The following LRP1B variants were observed in gnomAD, a reference collection of about 807,000 sequenced individuals.
LRP1B encodes LDL receptor related protein 1B, also known as low-density lipoprotein receptor-related protein 1B.
In LRP1B, 217 loss-of-function variants were observed where a neutral mutation model predicts 556.6. That is an observed-to-expected ratio of 0.39 (90% CI 0.35 to 0.44). LRP1B has a LOEUF of 0.44. Ranked by LOEUF, LRP1B falls within the 20% of genes least tolerant of loss-of-function variation. The pLI, the probability that LRP1B is intolerant of heterozygous loss-of-function variation, is 1.00. For missense variants in LRP1B, 5,053 were observed against 5,620.8 expected (o/e 0.90, Z 3.23); for synonymous variants, 2,047 against 1,865.8 (o/e 1.10, Z -2.50).
rs1219673694 is a variant in LRP1B at position 141,411,665 on chromosome 2, C to A, written c.343+68731G>T. 2.6e-5 allele frequency among the ~76,000 whole-genome samples: 4 copies of A among 152,054 alleles called. 1 individual carries two copies. The highest frequency in any genetic ancestry group is 6.3e-3 in the Middle Eastern group (2 of 316). The stretch of plus-strand genomic sequence containing the variant: ...GTGTGTGTCTGTGTATTCTGTCCTG[C>A]TAATGCAGTTGAAACAACAAATTCA... On this transcript the variant is annotated intron_variant, in intron 3 of 90. Transcript: ENST00000389484.
intron 35 of LRP1B, among the ~76,000 whole-genome samples, chr2:140,758,626 C>G (rs9967729): frequency 0.33 from 49,786 of 151,742 alleles, 8,296 homozygotes; most frequent in South Asian, 0.39. Flanking sequence ...ATTCTTTTTA[C>G]TTAACAGGGT....
At chr2:141,071,546 G>A (rs1007368327) in intron 7 of LRP1B, among the ~76,000 whole-genome samples, 24 of 152,154 alleles carry the variant, frequency 1.6e-4, no homozygotes, top group Admixed American at 3.9e-4. Context: ...TTCAATTAGG[G>A]AAAGAGGAAG....
At chr2:140,544,602 CTAAAGA>C (rs1680256971) in intron 43 of LRP1B, among the ~76,000 whole-genome samples, 1 of 152,078 alleles carries the variant, frequency 6.6e-6, no homozygotes, top group Admixed American at 6.6e-5. Flanking sequence ...CATTAGTTTG[CTAAAGA>C]TAATGTCCTC....
chr2:141,639,512 T>A (rs1214455701), intron 2 of LRP1B, among the ~76,000 whole-genome samples: 1 of 149,688 alleles, frequency 6.7e-6, no homozygotes, highest in African/African-American at 2.5e-5. Context: ...TGTATAGCCA[T>A]ATTTAAAGCA....
At chr2:140,853,341 A>G (rs1160510310) in intron 27 of LRP1B, among the ~76,000 whole-genome samples, 2 of 152,136 alleles carry the variant, frequency 1.3e-5, no homozygotes, top group African/African-American at 4.8e-5. Context: ...GCATAAAACT[A>G]CCGAGATTTT....
At chr2:140,509,199 G>A (rs1689550676) in intron 52 of LRP1B, among the ~76,000 whole-genome samples, 1 of 151,912 alleles carries the variant, frequency 6.6e-6, no homozygotes, top group African/African-American at 2.4e-5. Context: ...ATTTTAACAA[G>A]CGGAGTTCGC....
chr2:140,601,756 A>C, intron 41 of LRP1B, 117 bp from the exon 42 acceptor site: 1 of 576,366 alleles, frequency 1.7e-6, no homozygotes, highest in Non-Finnish European at 2.7e-6. Context: ...CCATTTCTCC[A>C]CAAAATCTCC....
chr2:140,913,072 T>C (rs1322874461), intron 21 of LRP1B, among the ~76,000 whole-genome samples: 1 of 151,858 alleles, frequency 6.6e-6, no homozygotes, highest in African/African-American at 2.4e-5. Flanking sequence ...CTAAATGGAT[T>C]TACTTGAAAC....
chr2:141,439,021 G>T (rs906904846), intron 3 of LRP1B, among the ~76,000 whole-genome samples: 2 of 152,024 alleles, frequency 1.3e-5, no homozygotes, highest in Non-Finnish European at 2.9e-5. Flanking sequence ...GATCCAATTT[G>T]AAAAATTGGA....
chr2:141,042,590 T>C (rs990440820), intron 11 of LRP1B, among the ~76,000 whole-genome samples: 4 of 152,110 alleles, frequency 2.6e-5, no homozygotes, highest in Non-Finnish European at 5.9e-5. Context: ...ACTTACTAGC[T>C]ATGTAACTTT....
At chr2:141,807,198 A>C (rs1696192401) in intron 2 of LRP1B, among the ~76,000 whole-genome samples, 1 of 152,104 alleles carries the variant, frequency 6.6e-6, no homozygotes, top group African/African-American at 2.4e-5. Context: ...TACTGTGATT[A>C]CAGAAAATGA....
chr2:140,252,710 T>C (rs931936550), intron 86 of LRP1B, among the ~76,000 whole-genome samples: 7 of 152,080 alleles, frequency 4.6e-5, no homozygotes, highest in African/African-American at 1.2e-4. Context: ...GTAAGAATTA[T>C]CACACTGCCT....
chr2:141,698,248 T>G (rs539838471), intron 2 of LRP1B, among the ~76,000 whole-genome samples: 1 of 151,902 alleles, frequency 6.6e-6, no homozygotes, highest in South Asian at 2.1e-4. Flanking sequence ...AAAACAGTTG[T>G]GAGCAAGGCA....
intron 84 of LRP1B, among the ~76,000 whole-genome samples, chr2:140,282,936 G>A (rs377277052): frequency 3.3e-5 from 5 of 151,724 alleles, no homozygotes; most frequent in South Asian, 2.1e-4. Flanking sequence ...AATAATAGCC[G>A]AGAAATCACA....
chr2:141,396,173 A>C (rs527736184), intron 3 of LRP1B, among the ~76,000 whole-genome samples: 1 of 152,234 alleles, frequency 6.6e-6, no homozygotes, highest in Non-Finnish European at 1.5e-5. Flanking sequence ...CAATGAAATC[A>C]GAATAAAATG....
chr2:140,675,995 T>C (rs1179457878), intron 41 of LRP1B, among the ~76,000 whole-genome samples: 2 of 152,214 alleles, frequency 1.3e-5, no homozygotes, highest in Non-Finnish European at 2.9e-5. Flanking sequence ...AGCTGATCTT[T>C]TTATGTCAAG....
chr2:140,776,300 T>C, intron 32 of LRP1B, 62 bp from the exon 33 acceptor site: 4 of 1,090,688 alleles, frequency 3.7e-6, no homozygotes, highest in Non-Finnish European at 5.1e-6. Context: ...TAATAATAAA[T>C]ACTTACTAAA....
intron 2 of LRP1B, among the ~76,000 whole-genome samples, chr2:141,635,504 G>A (rs577623859): frequency 6.6e-6 from 1 of 152,212 alleles, no homozygotes; most frequent in African/African-American, 2.4e-5. Flanking sequence ...ACTTAAAAAT[G>A]TTTACATCTA....
intron 1 of LRP1B, among the ~76,000 whole-genome samples, chr2:141,810,852 A>G (rs1696331245): frequency 6.6e-6 from 1 of 152,086 alleles, no homozygotes; most frequent in Non-Finnish European, 1.5e-5. Context: ...CTGAGTATTC[A>G]GTTCTTAACC....
Sources: allele counts gnomAD v4.1 joint callset (sites outside exome capture counted in the v4.1 genomes callset), GRCh38; gene constraint gnomAD v4.1.1; transcripts MANE v1.5; gene names NCBI Gene and HGNC (gene_info 2026-07-23, HGNC 2026-07-21).